Variants in TASP1 observed in about 807,000 individuals in gnomAD.
TASP1 encodes the protein taspase 1.
Under a neutral mutation model 56.6 loss-of-function variants are expected in TASP1, and 16 were observed. The observed-to-expected ratio is 0.28, with a 90% CI of 0.19 to 0.43. TASP1 has a LOEUF of 0.43. Ranked by LOEUF, TASP1 falls within the 20% of genes least tolerant of loss-of-function variation. The pLI is 1.00. For missense variants in TASP1, 393 were observed against 511.6 expected (o/e 0.77, Z 2.24); for synonymous variants, 179 against 184.2 (o/e 0.97, Z 0.23).
At chr20:13,531,764 A>C (rs2045229265) in intron 9 of TASP1, among the ~76,000 whole-genome samples, 1 of 152,146 alleles carries the variant, frequency 6.6e-6, no homozygotes, top group African/African-American at 2.4e-5. Context: ...CCCAGGTTCA[A>C]GCGATTCTCT....
intron 12 of TASP1, among the ~76,000 whole-genome samples, chr20:13,424,483 C>T (rs1005563597): frequency 6.6e-6 from 1 of 152,112 alleles, no homozygotes; most frequent in Non-Finnish European, 1.5e-5. Flanking sequence ...GGAAATGCTA[C>T]TTCATAGCAC....
chr20:13,302,168 C>G, the TASP1 span, among the ~76,000 whole-genome samples: 1 of 152,138 alleles, frequency 6.6e-6, no homozygotes, highest in Admixed American at 6.5e-5. Flanking sequence ...AGCTTTCTTA[C>G]TACGGTGAAA....
chr20:13,575,960 C>T (rs1276794134), intron 6 of TASP1, among the ~76,000 whole-genome samples: 1 of 151,712 alleles, frequency 6.6e-6, no homozygotes, highest in African/African-American at 2.4e-5. Context: ...ATCTGTAATC[C>T]CAGCACTGTG....
At chr20:13,575,833 T>C (rs1284307503) in intron 6 of TASP1, among the ~76,000 whole-genome samples, 6 of 151,984 alleles carry the variant, frequency 3.9e-5, no homozygotes, top group Non-Finnish European at 7.4e-5. Context: ...GACAATGCAA[T>C]AAAGCATGAA....
chr20:13,233,406 A>G, the TASP1 span, among the ~76,000 whole-genome samples: 3 of 151,664 alleles, frequency 2.0e-5, no homozygotes, highest in Non-Finnish European at 4.4e-5. Flanking sequence ...GACCAGCCTG[A>G]CCAACATGGA....
chr20:13,183,217 G>A, the TASP1 span, among the ~76,000 whole-genome samples: 1 of 152,212 alleles, frequency 6.6e-6, no homozygotes, highest in African/African-American at 2.4e-5. Context: ...ACACAAAACA[G>A]AAGTGGACTG....
At chr20:13,296,326 C>T in the TASP1 span, among the ~76,000 whole-genome samples, 1 of 152,296 alleles carries the variant, frequency 6.6e-6, no homozygotes, top group East Asian at 1.9e-4. Flanking sequence ...AGGACCAGTC[C>T]CCTGTCAGTG....
chr20:13,439,354 C>T (rs964740099), intron 11 of TASP1, among the ~76,000 whole-genome samples: 11 of 152,092 alleles, frequency 7.2e-5, no homozygotes, highest in African/African-American at 2.4e-4. Context: ...ATGTCCTTTG[C>T]AGGGACATGG....
intron 13 of TASP1, among the ~76,000 whole-genome samples, chr20:13,394,019 G>A (rs971272021): frequency 6.6e-6 from 1 of 152,030 alleles, no homozygotes; most frequent in Non-Finnish European, 1.5e-5. Context: ...GGTGGCTCAC[G>A]CCTGTAATCC....
intron 8 of TASP1, among the ~76,000 whole-genome samples, chr20:13,551,835 CAAT>C (rs551016769): frequency 1.6e-4 from 25 of 152,050 alleles, no homozygotes; most frequent in Non-Finnish European, 3.2e-4. Context: ...ACAAAGCAAA[CAAT>C]AAATTTAAAA....
the TASP1 span, among the ~76,000 whole-genome samples, chr20:13,317,997 G>GA: frequency 6.6e-6 from 1 of 151,776 alleles, no homozygotes; most frequent in Admixed American, 6.6e-5. Context: ...CTGTCTGCAT[G>GA]AAAAAACAAG....
the TASP1 span, among the ~76,000 whole-genome samples, chr20:13,252,677 C>T: frequency 2.0e-5 from 3 of 152,070 alleles, no homozygotes; most frequent in African/African-American, 7.2e-5. Context: ...ATCGCTTGAA[C>T]ACGGGAGACA....
At chr20:13,560,018 C>T (rs912432495) in intron 7 of TASP1, among the ~76,000 whole-genome samples, 12 of 152,082 alleles carry the variant, frequency 7.9e-5, no homozygotes, top group Admixed American at 4.6e-4. Context: ...ACATCAAAAA[C>T]AGGATTAAGC....
chr20:13,599,609 T>C (rs2047879711), intron 4 of TASP1, among the ~76,000 whole-genome samples: 1 of 152,046 alleles, frequency 6.6e-6, no homozygotes, highest in African/African-American at 2.4e-5. Flanking sequence ...CAAACCAACA[T>C]GGCACATGTG....
chr20:13,394,003 G>A (rs996614725), intron 13 of TASP1, among the ~76,000 whole-genome samples: 34 of 152,182 alleles, frequency 2.2e-4, no homozygotes, highest in Non-Finnish European at 1.5e-4. Context: ...TTTTTTGGAC[G>A]GGCGTGGTGG....
chr20:13,454,289 G>A (rs6033714), intron 11 of TASP1, among the ~76,000 whole-genome samples: 8,918 of 152,112 alleles, frequency 0.059, 372 homozygotes, highest in African/African-American at 0.12. Flanking sequence ...TGATGGGGTG[G>A]GGATAGTTGT....
chr20:13,604,498 T>C (rs557177284), intron 4 of TASP1, among the ~76,000 whole-genome samples: 8 of 152,320 alleles, frequency 5.3e-5, no homozygotes, highest in Admixed American at 1.3e-4. Flanking sequence ...CATGCTTGTA[T>C]AGCCTGCAGA....
the TASP1 span, among the ~76,000 whole-genome samples, chr20:13,378,670 G>A: frequency 2.6e-5 from 4 of 152,106 alleles, no homozygotes; most frequent in Non-Finnish European, 5.9e-5. Flanking sequence ...TATTGACAGT[G>A]GGGTGTTAAA....
rs565926261 is a variant in TASP1 at position 13,544,722 on chromosome 20, C to T, written c.676-10581G>A. Among the ~76,000 whole-genome samples the T allele has an allele frequency of 7.2e-5, 11 of 152,316 alleles. No homozygotes were observed. The East Asian group carries it at 2.1e-3, about 29-fold the overall frequency. On this transcript the variant is annotated intron_variant, in intron 8 of 13. Coordinates refer to ENST00000337743, the MANE Select transcript of TASP1 (RefSeq NM_017714.3). ...CCAATTTGGCTCTTTCCAAAAACAC[C>T]TAGCTATGGTCTGGACCTCTGGTCT... is the stretch of plus-strand genomic sequence containing the variant.
Sources: allele counts gnomAD v4.1 joint callset (sites outside exome capture counted in the v4.1 genomes callset), GRCh38; gene constraint gnomAD v4.1.1; transcripts MANE v1.5; gene names NCBI Gene and HGNC (gene_info 2026-07-23, HGNC 2026-07-21).